Variants in RPN1 observed in about 807,000 individuals in gnomAD.
RPN1 encodes ribophorin I.
In RPN1, 12 loss-of-function variants were observed where a neutral mutation model predicts 55.5. That is an observed-to-expected ratio of 0.22 (90% CI 0.14 to 0.35). RPN1 has a LOEUF of 0.35. RPN1 is among the 10% of genes least tolerant of loss of function. RPN1 has a pLI of 1.00. For synonymous variants in RPN1, 317 were observed against 305.9 expected (o/e 1.04, Z -0.38); for missense variants, 679 against 761.3 (o/e 0.89, Z 1.27).
intron 4 of RPN1, among the ~76,000 whole-genome samples, chr3:128,631,006 G>A (rs1400548229): frequency 6.6e-6 from 1 of 151,940 alleles, no homozygotes; most frequent in Non-Finnish European, 1.5e-5. Flanking sequence ...CCAGCTACTC[G>A]GGAGGCTGAG....
intron 2 of RPN1, chr3:128,644,656 GA>G (rs748275713): frequency 0.14 from 64,610 of 446,510 alleles, no homozygotes; most frequent in South Asian, 0.19. Context: ...CCTGTCTCAA[GA>G]AAAAAAAAAA....
At chr3:128,631,872 A>G in intron 4 of RPN1, 76 bp downstream of exon 4, 15 of 1,476,124 alleles carry the variant, frequency 1.0e-5, no homozygotes, top group Non-Finnish European at 1.4e-5. Context: ...ATATTTAGCT[A>G]GTTTCGAAAA....
Position 128,625,609 on chromosome 3 carries a change from C to T in RPN1, c.1320G>A (p.Leu440=), listed in dbSNP as rs2069592617. The change falls in exon 8 of 10, where the codon CTG becomes CTA. Residue 440 remains leucine (L), a synonymous_variant. Coordinates refer to ENST00000296255, the MANE Select transcript of RPN1 (RefSeq NM_002950.4). ...GGATGTAGAAGGCCGCCACCACCAG[C>T]AGGGGCTCCTGCAGCATGAGCACCT... The part of the protein sequence containing the change: ...FNKVLMLQEP[L]LVVAAFYILF... The T allele has an allele frequency of 6.8e-6, 11 of 1,613,980 alleles. No individual in the cohort carries two copies. The highest frequency in any genetic ancestry group is 9.3e-6 in the Non-Finnish European group (11 of 1,180,020).
Position 128,620,591 on chromosome 3 carries a change from C to A in RPN1, c.1644G>T (p.Val548=), listed in dbSNP as rs1251605440. The A allele has an allele frequency of 1.2e-6, 2 of 1,612,942 alleles. No individual in the cohort carries two copies. Among genetic ancestry groups the A allele is most frequent in the Admixed American group, 1.7e-5 (1 of 59,902 alleles). ...GTGCATCCAGCTTCTGCATTTCGCT[C>A]ACCTGGCCGAGGCAAGAGCAGGGCA... ...KTEGSDLCDR[V]SEMQKLDAQV... is the part of the protein sequence containing the mutation. Residue 548 remains valine (V), a splice_region_variant and synonymous_variant, in exon 10 of 10, where the codon GTG becomes GTT. Transcript: ENST00000296255.
rs2069813444 is a variant in RPN1, at chr3:128,650,781, C to A, written c.20G>T (p.Gly7Val). 5 of 1,537,420 alleles carry A rather than the reference C, an allele frequency of 3.3e-6. No homozygotes were observed. Among genetic ancestry groups the A allele is most frequent in the Middle Eastern group, 3.6e-4 (2 of 5,494 alleles). The stretch of plus-strand genomic sequence containing the variant: ...CCCAAGCAACAGGAGCAGAAACAAG[C>A]CGGCGGCTGGCGCCTCCATGACCGG... Reference protein sequence around the residue: MEAPAAGLFLLLLLGTW... With the variant: MEAPAAVLFLLLLLGTW... Residue 7 changes from glycine to valine, a missense_variant, in exon 1 of 10, where the codon GGC becomes GTC. Physicochemically the swap from Gly to Val is moderately radical, Grantham distance 109. This residue lies in a region of RPN1 where 352 missense variants were observed against 352.8 expected (regional missense o/e 1.00). Coordinates refer to ENST00000296255, the MANE Select transcript of RPN1 (RefSeq NM_002950.4).
At chr3:128,649,528 T>C (rs2069797696) in intron 1 of RPN1, among the ~76,000 whole-genome samples, 1 of 152,240 alleles carries the variant, frequency 6.6e-6, no homozygotes. Flanking sequence ...AACCCATCTT[T>C]ATAGCTCCAT....
chr3:128,630,910 G>A (rs1343434937), intron 4 of RPN1, among the ~76,000 whole-genome samples: 2 of 139,722 alleles, frequency 1.4e-5, no homozygotes, highest in East Asian at 2.4e-4. Context: ...TCAGAAGATC[G>A]AGACCATCCT....
chr3:128,647,793 G>A (rs2069780109), intron 1 of RPN1, among the ~76,000 whole-genome samples: 1 of 151,662 alleles, frequency 6.6e-6, no homozygotes, highest in East Asian at 1.9e-4. Context: ...GAAAAATATT[G>A]TTACTTAATA....
chr3:128,643,821 G>C (rs9880390), intron 2 of RPN1, among the ~76,000 whole-genome samples: 31,095 of 151,652 alleles, frequency 0.21, 3,458 homozygotes, highest in East Asian at 0.41. Flanking sequence ...AAATTAGCCG[G>C]GCATGGTGGC....
chr3:128,635,632 T>TATATAG (rs2069673446), intron 3 of RPN1, among the ~76,000 whole-genome samples: 1 of 29,304 alleles, frequency 3.4e-5, no homozygotes, highest in African/African-American at 1.5e-4. Context: ...TATATATATA[T>TATATAG]ATATATAGAT....
At chr3:128,633,961 C>A (rs1247004297) in intron 3 of RPN1, among the ~76,000 whole-genome samples, 1 of 151,892 alleles carries the variant, frequency 6.6e-6, no homozygotes, top group Non-Finnish European at 1.5e-5. Context: ...CCAGCCTGGG[C>A]AACAGAGCGA....
rs746483452 is a variant in RPN1 at position 128,632,025 on chromosome 3, C to A, written c.766G>T (p.Val256Leu). The A allele has an allele frequency of 2.4e-5, 38 of 1,614,192 alleles. No individual in the cohort carries two copies. Among genetic ancestry groups the A allele is most frequent in the Non-Finnish European group, 3.1e-5 (37 of 1,180,042 alleles). The stretch of plus-strand genomic sequence containing the variant: ...TAGCGTGAGAAAGGCCCCTTAAGCA[C>A]AGCTCCTGTGTGCTTTAAGTCCACA... Reference protein sequence around the residue: ...ENVDLKHTGAVLKGPFSRYDY... With the variant: ...ENVDLKHTGALLKGPFSRYDY... The change falls in exon 4 of 10, where the codon GTG becomes TTG. Residue 256 changes from valine (V) to leucine (L), a missense_variant. Physicochemically the swap from Val to Leu is conservative, Grantham distance 32. Transcript: ENST00000296255.
intron 1 of RPN1, among the ~76,000 whole-genome samples, 183 bp from the exon 2 acceptor site, chr3:128,645,166 A>G (rs770080726): frequency 1.9e-4 from 29 of 152,140 alleles, no homozygotes; most frequent in Non-Finnish European, 3.5e-4. Context: ...ATTGTCAAAG[A>G]CTTACTTTTA....
At chr3:128,649,045 T>A (rs1243093463) in intron 1 of RPN1, among the ~76,000 whole-genome samples, 1 of 152,114 alleles carries the variant, frequency 6.6e-6, no homozygotes, top group Non-Finnish European at 1.5e-5. Flanking sequence ...TGACACACAG[T>A]AGAGTCCCAG....
At chr3:128,621,973 G>A (rs2069563144) in intron 9 of RPN1, among the ~76,000 whole-genome samples, 191 bp downstream of exon 9, 1 of 152,186 alleles carries the variant, frequency 6.6e-6, no homozygotes, top group South Asian at 2.1e-4. Flanking sequence ...TCCACACCCA[G>A]CTCACACCAG....
At chr3:128,638,203 A>G in intron 2 of RPN1, 98 bp from the exon 3 acceptor site, 1 of 827,844 alleles carries the variant, frequency 1.2e-6, no homozygotes, top group Non-Finnish European at 1.9e-6. Flanking sequence ...ACCAAAGACA[A>G]AAGCAATTAT....
rs756937909 is a variant in RPN1 at position 128,625,568 on chromosome 3, A to G, written c.1361T>C (p.Ile454Thr). Residue 454 changes from isoleucine (I) to threonine (T), a missense_variant, in exon 8 of 10, where the codon ATC becomes ACC. Around this residue, in one of 3 missense-constraint regions of RPN1, gnomAD observed 306 missense variants for 360.0 expected, o/e 0.85. Transcript: ENST00000296255. The stretch of plus-strand genomic sequence containing the variant: ...GGAGAAGTCCAGCCGAACATAGATG[A>G]TAACGGTGAAGAACAGGATGTAGAA... ...AAFYILFFTV[I>T]IYVRLDFSIT... 113 of 1,614,010 alleles carry G rather than the reference A, an allele frequency of 7.0e-5. No homozygotes were observed. Among genetic ancestry groups the G allele is most frequent in the Non-Finnish European group, 9.1e-5 (107 of 1,180,040 alleles).
chr3:128,627,015 A>G lies in RPN1; in HGVS notation c.1037-183T>C. 7 of 587,196 alleles carry G rather than the reference A, an allele frequency of 1.2e-5. No homozygotes were observed. In the South Asian group the frequency reaches 1.4e-4, roughly 12 times the overall value. The allele number at this position is 587,196 out of a possible 1,614,324, so 36.4% of individuals were successfully genotyped here. On this transcript the variant is annotated intron_variant, in intron 5 of 9. Transcript: ENST00000296255. ...CTACTGAACCCCACAACACAGAGAC[A>G]GGGATGGGGGTCAAAACACCGACAG...
At chr3:128,641,902 C>T (rs915447439) in intron 2 of RPN1, among the ~76,000 whole-genome samples, 5 of 152,088 alleles carry the variant, frequency 3.3e-5, no homozygotes, top group South Asian at 2.1e-4. Flanking sequence ...TGAGCCACCA[C>T]GCCTGGCCAA....
Sources: allele counts gnomAD v4.1 joint callset (sites outside exome capture counted in the v4.1 genomes callset), GRCh38; gene constraint gnomAD v4.1.1; regional missense constraint gnomAD v4.1.1; transcripts MANE v1.5; gene names NCBI Gene and HGNC (gene_info 2026-07-23, HGNC 2026-07-21).